The following PACSIN2 variants were observed in gnomAD, a reference collection of about 807,000 sequenced individuals.
The protein encoded by PACSIN2 is protein kinase C and casein kinase substrate in neurons 2, also known as protein kinase C and casein kinase substrate in neurons protein 2.
A neutral mutation model predicts 63.8 loss-of-function variants in PACSIN2; 25 were observed. The ratio of observed to expected loss-of-function variants is 0.39; its 90% CI spans 0.29 to 0.55. The LOEUF is 0.55. Ranked by LOEUF, PACSIN2 falls within the 20% of genes least tolerant of loss-of-function variation. The pLI, the probability that PACSIN2 is intolerant of heterozygous loss-of-function variation, is 0.62. For missense variants in PACSIN2, 518 were observed against 646.9 expected (o/e 0.80, Z 2.16); for synonymous variants, 255 against 256.2 (o/e 1.00, Z 0.05).
chr22:42,971,527 C>T (rs1253827525), intron 1 of PACSIN2, among the ~76,000 whole-genome samples: 1 of 152,034 alleles, frequency 6.6e-6, no homozygotes, highest in Non-Finnish European at 1.5e-5. Flanking sequence ...AAGTGAGGAG[C>T]GTCTCTGCCT....
intron 2 of PACSIN2, among the ~76,000 whole-genome samples, chr22:42,905,248 T>C (rs1474739151): frequency 6.6e-6 from 1 of 152,242 alleles, no homozygotes. Context: ...GGAAGACAGG[T>C]CTGTCTGCAC....
chr22:42,871,139 T>C lies in PACSIN2; in HGVS notation c.*218A>G, dbSNP rs1228039318. ...GGGCGGGGAGGGGCGGCTATTTCTG[T>C]TGTTCTGCGTCTTCCTGCGCTCAGA... On this transcript the variant is annotated 3_prime_UTR_variant, in exon 11 of 11. Transcript: ENST00000263246. The surrounding 1 kb of genome is among the most constrained non-coding windows in gnomAD (Gnocchi z 5.4). The C allele has an allele frequency of 7.8e-5, 45 of 580,262 alleles. No individual in the cohort carries two copies. The highest frequency in any genetic ancestry group is 7.1e-4 in the South Asian group (35 of 49,152). 35.9% of individuals were successfully genotyped at this position (580,262 alleles called of 1,614,324 possible).
chr22:42,882,328 C>T, intron 6 of PACSIN2, 24 bp from the exon 7 acceptor site: 1 of 1,594,072 alleles, frequency 6.3e-7, no homozygotes, highest in Non-Finnish European at 8.6e-7. Flanking sequence ...AAACGTGGCT[C>T]TTTTAGAAGG....
intron 1 of PACSIN2, among the ~76,000 whole-genome samples, chr22:42,994,564 G>A (rs1050242226): frequency 6.6e-6 from 1 of 152,250 alleles, no homozygotes; most frequent in African/African-American, 2.4e-5. Context: ...AGCAGGACAC[G>A]CCAGGGAGGC....
intron 1 of PACSIN2, among the ~76,000 whole-genome samples, chr22:42,999,449 C>T (rs1923624187): frequency 6.6e-6 from 1 of 152,196 alleles, no homozygotes; most frequent in Admixed American, 6.5e-5. Context: ...GCCAGTGGAT[C>T]ACCTGAGGTT....
At chr22:42,966,448 T>C (rs1303411831) in intron 1 of PACSIN2, among the ~76,000 whole-genome samples, 8 of 152,008 alleles carry the variant, frequency 5.3e-5, no homozygotes, top group Non-Finnish European at 1.2e-4. Context: ...TAACATTCTC[T>C]ATCAAAGAAG....
intron 1 of PACSIN2, among the ~76,000 whole-genome samples, chr22:43,008,540 C>T (rs541187845): frequency 5.6e-4 from 85 of 152,348 alleles, no homozygotes; most frequent in African/African-American, 2.0e-3. Flanking sequence ...TTAGCCACCA[C>T]GCCCGGCCTA....
chr22:42,952,087 T>C (rs1933718649), intron 1 of PACSIN2, among the ~76,000 whole-genome samples: 1 of 152,192 alleles, frequency 6.6e-6, no homozygotes, highest in Non-Finnish European at 1.5e-5. Flanking sequence ...TTCTTAACAC[T>C]CAACCTCACC....
chr22:42,922,032 C>T (rs901499014), intron 1 of PACSIN2, among the ~76,000 whole-genome samples: 3 of 152,218 alleles, frequency 2.0e-5, no homozygotes, highest in African/African-American at 7.2e-5. Context: ...AGCCACCCAA[C>T]CCTTTTGTTC....
chr22:42,914,421 A>T (rs573372359), intron 1 of PACSIN2, among the ~76,000 whole-genome samples: 15 of 152,238 alleles, frequency 9.9e-5, no homozygotes, highest in Admixed American at 2.0e-4. Flanking sequence ...TTTAGTAGAG[A>T]TGGGGTTTCC....
At chr22:42,962,183 C>CTTTTT (rs3046541) in intron 1 of PACSIN2, among the ~76,000 whole-genome samples, 1 of 147,910 alleles carries the variant, frequency 6.8e-6, no homozygotes, top group Admixed American at 6.7e-5. Flanking sequence ...TACCAGAAAA[C>CTTTTT]TTTTTTTTTT....
At chr22:42,888,482 G>A (rs1228966952) in intron 5 of PACSIN2, among the ~76,000 whole-genome samples, 161 bp downstream of exon 5, 1 of 152,160 alleles carries the variant, frequency 6.6e-6, no homozygotes, top group Non-Finnish European at 1.5e-5. Flanking sequence ...CGAGGTGCTA[G>A]GGCACTCACC....
chr22:42,978,418 T>C (rs1005795655), intron 1 of PACSIN2, among the ~76,000 whole-genome samples: 1 of 152,164 alleles, frequency 6.6e-6, no homozygotes, highest in African/African-American at 2.4e-5. Context: ...ACAGAAAATA[T>C]CAGTCTTCGT....
intron 1 of PACSIN2, among the ~76,000 whole-genome samples, chr22:42,918,175 C>T (rs745638076): frequency 7.2e-5 from 11 of 152,322 alleles, no homozygotes; most frequent in Middle Eastern, 6.8e-3. Flanking sequence ...AGGGCCACTG[C>T]AGACAGGCCA....
rs745523623 is a variant in PACSIN2, at chr22:42,987,449, AACAC to A, written c.-78+27568_-78+27571del. Among the ~76,000 whole-genome samples, 415 of 87,040 alleles carry A rather than the reference AACAC, an allele frequency of 4.8e-3. 3 individuals carry two copies. Among genetic ancestry groups the A allele is most frequent in the South Asian group, 0.014 (32 of 2,328 alleles). 57.1% of individuals were successfully genotyped at this position (87,040 alleles called of 152,430 possible). On this transcript the variant is annotated intron_variant, in intron 1 of 10. Transcript: ENST00000263246. ...GACACCCCACCCTGAGTCCAGGAGC[AACAC>A]ACACACACACACACACACACACACA...
intron 7 of PACSIN2, 47 bp from the exon 8 acceptor site, chr22:42,879,216 C>A (rs1054755155): frequency 6.3e-7 from 1 of 1,592,254 alleles, no homozygotes; most frequent in African/African-American, 1.3e-5. Flanking sequence ...TCACTACTTG[C>A]TGGAAGCCAC....
intron 1 of PACSIN2, chr22:42,945,810 C>T (rs1164205789): frequency 6.6e-6 from 1 of 152,490 alleles, no homozygotes; most frequent in Non-Finnish European, 1.5e-5. Flanking sequence ...TAGTCCCCGA[C>T]TCCCTTCATT....
intron 1 of PACSIN2, among the ~76,000 whole-genome samples, chr22:42,950,647 A>G (rs549476260): frequency 2.6e-5 from 4 of 152,344 alleles, no homozygotes; most frequent in African/African-American, 9.6e-5. Flanking sequence ...ATTCAACGCC[A>G]TAAGTAGCAT....
At chr22:42,999,470 G>A (rs561486089) in intron 1 of PACSIN2, among the ~76,000 whole-genome samples, 1 of 152,330 alleles carries the variant, frequency 6.6e-6, no homozygotes, top group East Asian at 1.9e-4. Context: ...GGGAATTCAA[G>A]ACCAGCCTGA....
Sources: gnomAD v4.1 joint callset for allele counts (sites outside exome capture counted in the v4.1 genomes callset) on GRCh38, gnomAD v4.1.1 for gene constraint, Gnocchi (gnomAD v3.1) non-coding constraint, MANE v1.5 for transcripts, NCBI Gene and HGNC (gene_info 2026-07-23, HGNC 2026-07-21) for gene names.